TRIQK: variants seen among roughly 807,000 people sequenced by gnomAD.
TRIQK encodes triple QxxK/R motif containing.
In TRIQK, 10 loss-of-function variants were observed where a neutral mutation model predicts 10.8. The ratio of observed to expected loss-of-function variants is 0.92; its 90% CI spans 0.57 to 1.57. The LOEUF (loss-of-function observed/expected upper bound fraction) is 1.57, where lower values mean the gene tolerates loss of function less well. TRIQK is among the 40% of genes most tolerant of loss of function. The pLI, the probability that TRIQK is intolerant of heterozygous loss-of-function variation, is 0.00. For missense variants in TRIQK, 107 were observed against 97.7 expected (o/e 1.09, Z -0.40); for synonymous variants, 33 against 33.7 (o/e 0.98, Z 0.07).
chr8:92,896,195 A>AC (rs1010320709), intron 3 of TRIQK, among the ~76,000 whole-genome samples: 29 of 152,118 alleles, frequency 1.9e-4, no homozygotes, highest in African/African-American at 6.8e-4. Flanking sequence ...CCAGCACAGC[A>AC]CCCCTCAGCC....
At chr8:92,988,262 C>T (rs1416218416) in intron 1 of TRIQK, among the ~76,000 whole-genome samples, 8 of 152,026 alleles carry the variant, frequency 5.3e-5, no homozygotes, top group Middle Eastern at 3.4e-3. Flanking sequence ...GTGATCCACC[C>T]GCCTCGGCCT....
At chr8:92,923,871 C>T (rs1003952837) in intron 2 of TRIQK, among the ~76,000 whole-genome samples, 1 of 151,778 alleles carries the variant, frequency 6.6e-6, no homozygotes, top group African/African-American at 2.4e-5. Context: ...TTTTATTGCT[C>T]ATTTATACCT....
At chr8:92,947,309 G>A (rs148472825) in intron 2 of TRIQK, among the ~76,000 whole-genome samples, 13 of 151,132 alleles carry the variant, frequency 8.6e-5, no homozygotes, top group African/African-American at 2.7e-4. Flanking sequence ...GTGGCCGGGC[G>A]CGGTGGCTCA....
At chr8:93,006,710 T>C (rs1457927952) in intron 1 of TRIQK, among the ~76,000 whole-genome samples, 1 of 152,162 alleles carries the variant, frequency 6.6e-6, no homozygotes, top group Non-Finnish European at 1.5e-5. Context: ...AGGAATTCCC[T>C]ACAGCCCAGC....
At chr8:92,982,168 T>C (rs1017912964) in intron 1 of TRIQK, among the ~76,000 whole-genome samples, 12 of 151,840 alleles carry the variant, frequency 7.9e-5, no homozygotes, top group African/African-American at 2.9e-4. Flanking sequence ...ATTTTGTAAA[T>C]TGGACATCTT....
At chr8:92,976,417 G>C (rs987417862) in intron 1 of TRIQK, among the ~76,000 whole-genome samples, 1 of 151,762 alleles carries the variant, frequency 6.6e-6, no homozygotes, top group Non-Finnish European at 1.5e-5. Context: ...AATGTTCTTT[G>C]CTCTGAAATC....
intron 3 of TRIQK, among the ~76,000 whole-genome samples, chr8:92,906,350 G>T (rs185209468): frequency 1.3e-5 from 2 of 152,112 alleles, no homozygotes; most frequent in African/African-American, 4.8e-5. Flanking sequence ...CATACATAGC[G>T]CATGCCTAAA....
intron 1 of TRIQK, among the ~76,000 whole-genome samples, chr8:92,978,471 A>G (rs1255316023): frequency 1.3e-5 from 2 of 152,126 alleles, no homozygotes; most frequent in Non-Finnish European, 2.9e-5. Context: ...GAGCCGCTCA[A>G]TTTGTATTCA....
rs575455428 is a variant in TRIQK at position 92,991,855 on chromosome 8, T to A, written c.-181+25754A>T. On this transcript the variant is annotated intron_variant, in intron 1 of 4. Transcript: ENST00000520686. Reference sequence around the variant, plus strand: ...AAAAATCACACACATTCCTATACACTAACGATAGACAAACAGAGAGCCAAA... The same window carrying A: ...AAAAATCACACACATTCCTATACACAAACGATAGACAAACAGAGAGCCAAA... 2.0e-5 allele frequency among the ~76,000 whole-genome samples: 3 copies of A among 152,130 alleles called. No individual in the cohort carries two copies. The South Asian group carries it at 6.2e-4, about 32-fold the overall frequency.
intron 2 of TRIQK, among the ~76,000 whole-genome samples, chr8:92,927,691 G>C (rs1810511482): frequency 1.3e-5 from 2 of 152,212 alleles, no homozygotes; most frequent in South Asian, 2.1e-4. Context: ...GGGTACCCAG[G>C]ATAGTAGCAG....
Position 92,886,474 on chromosome 8 carries a change from C to G in TRIQK, c.*148G>C. ...CTAGGTAAGGTTCTTTTCCTGACAT[C>G]CTATGCAACTATCAAAAATCATATG... On this transcript the variant is annotated 3_prime_UTR_variant, in exon 5 of 5. Coordinates refer to ENST00000521988, the MANE Select transcript of TRIQK (RefSeq NM_001171797.2). The G allele has an allele frequency of 1.8e-6, 1 of 552,594 alleles. No homozygotes were observed. The highest frequency in any genetic ancestry group is 3.2e-6 in the Non-Finnish European group (1 of 313,464). The allele number at this position is 552,594 out of a possible 1,614,324, so 34.2% of individuals were successfully genotyped here.
intron 2 of TRIQK, among the ~76,000 whole-genome samples, chr8:92,925,313 A>G (rs1810392419): frequency 6.6e-6 from 1 of 152,154 alleles, no homozygotes; most frequent in Non-Finnish European, 1.5e-5. Context: ...GGAAAATATT[A>G]TATTCATGAC....
chr8:93,011,205 C>CACATAT (rs769949767), intron 1 of TRIQK, among the ~76,000 whole-genome samples: 24,781 of 120,442 alleles, frequency 0.21, 2,378 homozygotes, highest in Non-Finnish European at 0.27. Context: ...CACACACACA[C>CACATAT]ATATATATAT....
chr8:92,975,849 T>C (rs539437658), intron 1 of TRIQK, among the ~76,000 whole-genome samples: 2 of 152,088 alleles, frequency 1.3e-5, no homozygotes, highest in African/African-American at 4.8e-5. Context: ...CTTCATCCCA[T>C]GAATTTGAAC....
At chr8:92,890,377 C>T (rs1816701110) in intron 4 of TRIQK, among the ~76,000 whole-genome samples, 1 of 151,594 alleles carries the variant, frequency 6.6e-6, no homozygotes, top group South Asian at 2.1e-4. Flanking sequence ...TAAAAAGGAG[C>T]TATGTTCTGC....
chr8:92,942,142 G>C (rs762058932), intron 2 of TRIQK, among the ~76,000 whole-genome samples: 19 of 152,108 alleles, frequency 1.2e-4, no homozygotes, highest in Non-Finnish European at 2.2e-4. Flanking sequence ...CTACTCTGAT[G>C]GTTATAGATG....
chr8:92,963,056 A>G (rs1812540770), intron 1 of TRIQK, among the ~76,000 whole-genome samples: 1 of 152,158 alleles, frequency 6.6e-6, no homozygotes, highest in South Asian at 2.1e-4. Context: ...TTGAGCCCCT[A>G]AAAATCTCTA....
chr8:92,937,052 T>A (rs918184084), intron 2 of TRIQK, among the ~76,000 whole-genome samples: 2 of 151,766 alleles, frequency 1.3e-5, no homozygotes, highest in Non-Finnish European at 3.0e-5. Context: ...CAACTGCTAG[T>A]TATATGAACT....
intron 1 of TRIQK, among the ~76,000 whole-genome samples, chr8:93,007,515 G>T (rs1813286622): frequency 6.6e-6 from 1 of 152,196 alleles, no homozygotes; most frequent in South Asian, 2.1e-4. Flanking sequence ...GCACAGAACT[G>T]GGCCGAGGCT....
Sources: gnomAD v4.1 joint callset for allele counts (sites outside exome capture counted in the v4.1 genomes callset) on GRCh38, gnomAD v4.1.1 for gene constraint, MANE v1.5 for transcripts, NCBI Gene and HGNC (gene_info 2026-07-23, HGNC 2026-07-21) for gene names.